The following RAE1 variants were observed in gnomAD, a reference collection of about 807,000 sequenced individuals.
RAE1 encodes the protein ribonucleic acid export 1, also known as mRNA export factor RAE1.
A neutral mutation model predicts 52.7 loss-of-function variants in RAE1; 13 were observed. That is an observed-to-expected ratio of 0.25 (90% CI 0.16 to 0.39). The LOEUF is 0.39. Among genes scored for constraint, RAE1 ranks in the 10% least tolerant of loss-of-function variants. The pLI is 1.00. For missense variants in RAE1, 262 were observed against 459.8 expected (o/e 0.57, Z 3.93); for synonymous variants, 164 against 153.1 (o/e 1.07, Z -0.52).
At chr20:57,369,062 C>G (rs1717296458) in intron 8 of RAE1, among the ~76,000 whole-genome samples, 1 of 152,150 alleles carries the variant, frequency 6.6e-6, no homozygotes, top group South Asian at 2.1e-4. Context: ...TTGTAGGGGC[C>G]AAGGGAAAAC....
intron 10 of RAE1, among the ~76,000 whole-genome samples, chr20:57,374,070 C>T (rs899162503): frequency 1.6e-4 from 24 of 152,146 alleles, no homozygotes; most frequent in African/African-American, 4.3e-4. Context: ...TTAGTAGAGA[C>T]GGCGTTTCAC....
At chr20:57,376,358 C>T (rs986827432) in intron 11 of RAE1, among the ~76,000 whole-genome samples, 15 of 152,212 alleles carry the variant, frequency 9.9e-5, no homozygotes, top group African/African-American at 3.6e-4. Flanking sequence ...ATAGTCATCT[C>T]CCCGAAAGGT....
intron 4 of RAE1, chr20:57,359,778 T>C (rs141273711): frequency 6.6e-6 from 1 of 152,246 alleles, no homozygotes; most frequent in Non-Finnish European, 1.5e-5. Context: ...TGTAAAGTTA[T>C]TTCTAGTTAA....
Position 57,378,252 on chromosome 20 carries a change from A to G in RAE1, c.*153A>G. ...GTCATTGTTCAGCAGCTGAGAGCCCAGGCGTCCGCGGCGACTTGCCGTCTC... is the reference window on the plus strand; with the variant it reads ...GTCATTGTTCAGCAGCTGAGAGCCCGGGCGTCCGCGGCGACTTGCCGTCTC... On this transcript the variant is annotated 3_prime_UTR_variant, in exon 12 of 12. Coordinates refer to ENST00000395841, the MANE Select transcript of RAE1 (RefSeq NM_003610.4). 1 of 632,286 alleles carries G rather than the reference A, an allele frequency of 1.6e-6. No individual in the cohort carries two copies. The highest frequency in any genetic ancestry group is 2.7e-6 in the Non-Finnish European group (1 of 376,938). The allele number at this position is 632,286 out of a possible 1,614,324, so 39.2% of individuals were successfully genotyped here.
intron 11 of RAE1, 73 bp from the exon 12 acceptor site, chr20:57,377,940 C>G: frequency 8.9e-7 from 1 of 1,117,602 alleles, no homozygotes; most frequent in East Asian, 2.4e-5. Context: ...CAGGACTTCA[C>G]CTAGAAAAAG....
At chr20:57,374,576 G>C (rs1471401474) in intron 10 of RAE1, 31 bp from the exon 11 acceptor site, 1 of 1,585,076 alleles carries the variant, frequency 6.3e-7, no homozygotes, top group Non-Finnish European at 8.6e-7. Context: ...CCCTCTGCCT[G>C]GCTTCTCATT....
At chr20:57,365,467 C>G in intron 5 of RAE1, 25 bp downstream of exon 5, 1 of 1,509,806 alleles carries the variant, frequency 6.6e-7, no homozygotes, top group Non-Finnish European at 9.1e-7. Context: ...TGCAGAAAGG[C>G]TAGGCACAAC....
chr20:57,351,280 C>A lies in RAE1; in HGVS notation c.-150C>A. ...GTTTCCGCGGTAGTCAGGGCAGTTT[C>A]TACCGCAGGCTTAAGGAGGCTTCGG... On this transcript the variant is annotated 5_prime_UTR_variant, in exon 1 of 12. Coordinates refer to ENST00000395841, the MANE Select transcript of RAE1 (RefSeq NM_003610.4). The A allele has an allele frequency of 1.0e-6, 1 of 985,436 alleles. No homozygotes were observed. The highest frequency in any genetic ancestry group is 1.2e-6 in the Non-Finnish European group (1 of 829,910). The allele number at this position is 985,436 out of a possible 1,614,324, so 61.0% of individuals were successfully genotyped here.
chr20:57,377,060 CAT>C (rs1568796740), intron 11 of RAE1, among the ~76,000 whole-genome samples: 2 of 152,196 alleles, frequency 1.3e-5, no homozygotes, highest in African/African-American at 2.4e-5. Context: ...GTCATGATCA[CAT>C]ATGATTGATG....
chr20:57,354,657 T>C, intron 2 of RAE1, 55 bp from the exon 3 acceptor site: 1 of 1,303,688 alleles, frequency 7.7e-7, no homozygotes, highest in Non-Finnish European at 1.0e-6. Flanking sequence ...AAGAAAACAA[T>C]TTGGAATGAA....
At chr20:57,373,434 T>C (rs745330778) in intron 8 of RAE1, 41 bp from the exon 9 acceptor site, 31 of 1,571,678 alleles carry the variant, frequency 2.0e-5, no homozygotes, top group African/African-American at 2.7e-5. Context: ...TGAAATCTTA[T>C]ATTATGCTGT....
chr20:57,366,923 C>A, intron 6 of RAE1, 30 bp downstream of exon 6: 3 of 1,589,236 alleles, frequency 1.9e-6, no homozygotes, highest in Non-Finnish European at 2.6e-6. Context: ...CATTGTTTGG[C>A]CCCATCAGGA....
chr20:57,377,636 G>A (rs960678544), intron 11 of RAE1, among the ~76,000 whole-genome samples: 5 of 152,252 alleles, frequency 3.3e-5, no homozygotes, highest in African/African-American at 4.8e-5. Flanking sequence ...ATGATACCCC[G>A]CAGGTCAGAT....
chr20:57,375,106 A>AGGGC, intron 11 of RAE1: 1 of 671,488 alleles, frequency 1.5e-6, no homozygotes, highest in South Asian at 1.6e-5. Flanking sequence ...AGGGGGTGGC[A>AGGGC]GGGCGGGTCA....
chr20:57,369,540 T>C (rs2067004718), intron 8 of RAE1, among the ~76,000 whole-genome samples: 1 of 152,238 alleles, frequency 6.6e-6, no homozygotes, highest in South Asian at 2.1e-4. Context: ...TTTCCAGCCC[T>C]TCTGTATAGC....
At chr20:57,372,003 CAG>C (rs1314506908) in intron 8 of RAE1, 3 of 152,206 alleles carry the variant, frequency 2.0e-5, no homozygotes, top group Non-Finnish European at 4.4e-5. Flanking sequence ...TGGCGGTCAT[CAG>C]GGGATTGGGG....
At chr20:57,373,347 A>G in intron 8 of RAE1, 128 bp from the exon 9 acceptor site, 1 of 817,634 alleles carries the variant, frequency 1.2e-6, no homozygotes, top group Non-Finnish European at 1.9e-6. Flanking sequence ...TTACTGCTGT[A>G]TCATATTTGA....
At chr20:57,357,399 T>A (rs527465863) in intron 4 of RAE1, 1 of 152,288 alleles carries the variant, frequency 6.6e-6, no homozygotes, top group Non-Finnish European at 1.5e-5. Context: ...CATTAACGTA[T>A]GGTGATTGTT....
chr20:57,356,247 T>C (rs2066784785), intron 3 of RAE1, among the ~76,000 whole-genome samples, 199 bp from the exon 4 acceptor site: 1 of 152,200 alleles, frequency 6.6e-6, no homozygotes, highest in Non-Finnish European at 1.5e-5. Flanking sequence ...AGCAATAGAA[T>C]TTGTTTATTT....
Sources: gnomAD v4.1 joint callset for allele counts (sites outside exome capture counted in the v4.1 genomes callset) on GRCh38, gnomAD v4.1.1 for gene constraint, MANE v1.5 for transcripts, NCBI Gene and HGNC (gene_info 2026-07-23, HGNC 2026-07-21) for gene names.